The following FLG variants were observed in gnomAD, a reference collection of about 807,000 sequenced individuals.
The protein encoded by FLG is filaggrin, also known as epidermal filaggrin.
FLG carries 6 observed loss-of-function variants against 3.8 expected under a neutral mutation model. That is an observed-to-expected ratio of 1.60 (90% CI 0.87 to 3.15). FLG has a LOEUF of 3.15. Ranked by LOEUF, FLG falls within the 30% of genes most tolerant of loss-of-function variation. The probability of loss-of-function intolerance (pLI) is 0.00; values close to 1 mark genes in which losing one functional copy is unlikely to be tolerated. For synonymous variants in FLG, 2,551 were observed against 1,931.6 expected (o/e 1.32, Z -8.41); for missense variants, 7,595 against 5,050.9 (o/e 1.50, Z -15.27).
rs780631848 is a variant in FLG, at chr1:152,314,681, T to G, written c.205A>C (p.Ile69Leu). 1.2e-6 allele frequency: 2 copies of G among 1,614,050 alleles called. No individual in the cohort carries two copies. The highest frequency in any genetic ancestry group is 1.7e-6 in the Non-Finnish European group (2 of 1,179,958). ...ATCAGAAGAAACTCAGTGAAGTCAATTTTCTTGTTGTGGTCTATATCCAAG... is the reference window on the plus strand; with the variant it reads ...ATCAGAAGAAACTCAGTGAAGTCAAGTTTCTTGTTGTGGTCTATATCCAAG... ...DHLDIDHNKK[I>L]DFTEFLLMVF... Residue 69 changes from isoleucine to leucine, a missense_variant, in exon 3 of 3, where the codon ATT becomes CTT. Coordinates refer to ENST00000368799, the MANE Select transcript of FLG (RefSeq NM_002016.2).
rs545692447 is a variant in FLG at position 152,307,372 on chromosome 1, T to C, written c.7514A>G (p.His2505Arg). 1.0e-4 allele frequency: 166 copies of C among 1,612,984 alleles called. No homozygotes were observed. In the East Asian group the frequency reaches 1.1e-3, roughly 11 times the overall value. ...TGCACTTCTGGATCCTGAGTGCCCA[T>C]GGGAGGCATCAGACCTTCCCTGGGA... The part of the protein sequence containing the change: ...TTSQGRSDAS[H>R]GHSGSRSASR... The change falls in exon 3 of 3, where the codon CAT becomes CGT. Residue 2505 changes from histidine (H) to arginine (R), a missense_variant. By Grantham distance (29) the His-to-Arg change is conservative. Transcript: ENST00000368799.
In FLG at chr1:152,302,939, C is replaced by T. The variant is rs748281982; in HGVS notation, c.11947G>A (p.Asp3983Asn). 3.1e-6 allele frequency: 5 copies of T among 1,614,196 alleles called. No individual in the cohort carries two copies. The highest frequency in any genetic ancestry group is 1.6e-4 in the Middle Eastern group (1 of 6,062). Residue 3983 changes from aspartate to asparagine, a missense_variant, in exon 3 of 3, where the codon GAT becomes AAT. Transcript: ENST00000368799. Reference protein sequence around the residue: ...VWRHGSYGSADYDYGESGFRH... With the variant: ...VWRHGSYGSANYDYGESGFRH... ...AACCCGGATTCACCATAATCATAATCTGCACTACCATAGCTGCCATGTCTC... is the reference window on the plus strand; with the variant it reads ...AACCCGGATTCACCATAATCATAATTTGCACTACCATAGCTGCCATGTCTC...
rs1257525057 is a variant in FLG, at chr1:152,309,663, C to A, written c.5223G>T (p.Gly1741=). 1 of 1,613,772 alleles carries A rather than the reference C, an allele frequency of 6.2e-7. No homozygotes were observed. Among genetic ancestry groups the A allele is most frequent in the Admixed American group, 1.7e-5 (1 of 59,984 alleles). The change falls in exon 3 of 3, where the codon GGG becomes GGT. Residue 1741 remains glycine (G), a synonymous_variant. Coordinates refer to ENST00000368799, the MANE Select transcript of FLG (RefSeq NM_002016.2). ...TQSVSAHGQA[G]PHQQSHQEST... is the part of the protein sequence containing the mutation. ...ACTCTTGGTGGCTCTGCTGATGGGG[C>A]CCAGCCTGTCCGTGGGCTGACACTG...
At position 152,309,516 on chromosome 1, in the gene FLG, T is replaced by C; in HGVS notation, c.5370A>G (p.Gln1790=). ...CTCGTGCCTGCTCGTGGCGGGATCT[T>C]TGTCTTCCTCCAGTGCTGGGCCCTG... ...GRTGPSTGGR[Q]RSRHEQARDS... The change falls in exon 3 of 3, where the codon CAA becomes CAG. Residue 1790 remains glutamine, a synonymous_variant. Transcript: ENST00000368799. 1.9e-6 allele frequency: 3 copies of C among 1,613,702 alleles called. No homozygotes were observed. Among genetic ancestry groups the C allele is most frequent in the Non-Finnish European group, 2.5e-6 (3 of 1,179,920 alleles).
chr1:152,313,400 G>A lies in FLG; in HGVS notation c.1486C>T (p.His496Tyr). Residue 496 changes from histidine to tyrosine, a missense_variant, in exon 3 of 3, where the codon CAC becomes TAC. His to Tyr is a moderately conservative substitution (Grantham distance 83). Transcript: ENST00000368799. ...GAGCTGTCTCGTGCCTGCTCGTGGTGCGATCCTTGTCTTCCTCCAGTGCTG... is the reference window on the plus strand; with the variant it reads ...GAGCTGTCTCGTGCCTGCTCGTGGTACGATCCTTGTCTTCCTCCAGTGCTG... Reference protein sequence around the residue: ...GTSTGGRQGSHHEQARDSSRH... With the variant: ...GTSTGGRQGSYHEQARDSSRH... The A allele has an allele frequency of 1.2e-6, 2 of 1,613,684 alleles. No homozygotes were observed. The highest frequency in any genetic ancestry group is 1.7e-6 in the Non-Finnish European group (2 of 1,179,898).
In FLG at chr1:152,303,568, T is replaced by C. The variant is rs200512650; in HGVS notation, c.11318A>G (p.Tyr3773Cys). Residue 3773 changes from tyrosine to cysteine, a missense_variant, in exon 3 of 3, where the codon TAC becomes TGC. Coordinates refer to ENST00000368799, the MANE Select transcript of FLG (RefSeq NM_002016.2). ...GSRRGGRQGS[Y>C]HEQSVDRSGH... ...AGACCTATCTACCGATTGCTCGTGGTAGGATCCCTGTCTTCCTCCTCTCCT... is the reference window on the plus strand; with the variant it reads ...AGACCTATCTACCGATTGCTCGTGGCAGGATCCCTGTCTTCCTCCTCTCCT... The C allele has an allele frequency of 4.0e-5, 64 of 1,614,038 alleles. No individual in the cohort carries two copies. Among genetic ancestry groups the C allele is most frequent in the Middle Eastern group, 1.7e-4 (1 of 6,060 alleles).
chr1:152,310,548 G>A lies in FLG; in HGVS notation c.4338C>T (p.Ser1446=), dbSNP rs376213213. ...GRSRSFLYQV[S]SHEQSESTHG... is the part of the protein sequence containing the mutation. ...GTGTGGACTCAGACTGTTCATGAGA[G>A]CTCACCTGGTAGAGGAAAGACCTTG... The change falls in exon 3 of 3, where the codon AGC becomes AGT. Residue 1446 remains serine, a synonymous_variant. Coordinates refer to ENST00000368799, the MANE Select transcript of FLG (RefSeq NM_002016.2). 48 of 1,613,752 alleles carry A rather than the reference G, an allele frequency of 3.0e-5. No homozygotes were observed. The Middle Eastern group carries it at 6.6e-4, about 22-fold the overall frequency.
chr1:152,319,307 A>G (rs948723732), intron 1 of FLG, among the ~76,000 whole-genome samples: 4 of 125,382 alleles, frequency 3.2e-5, no homozygotes, highest in African/African-American at 1.4e-4. Flanking sequence ...ACAACTAGAA[A>G]ATGTGTGTGT....
chr1:152,315,499 G>T (rs1237731340), intron 1 of FLG, 22 bp from the exon 2 acceptor site: 2 of 1,578,032 alleles, frequency 1.3e-6, no homozygotes, highest in Non-Finnish European at 1.7e-6. Context: ...AAATGAAAAT[G>T]CACTTTTTTA....
In FLG at chr1:152,303,010, T is replaced by G; in HGVS notation, c.11876A>C (p.Gln3959Pro). Residue 3959 changes from glutamine (Q) to proline (P), a missense_variant, in exon 3 of 3, where the codon CAA becomes CCA. Gln to Pro is a moderately conservative substitution (Grantham distance 76). Coordinates refer to ENST00000368799, the MANE Select transcript of FLG (RefSeq NM_002016.2). ...SPHSSSSYHYQSEGTERQKGQ... is the reference protein window; with the variant it reads ...SPHSSSSYHYPSEGTERQKGQ... ...TTTTTGCCTTTCAGTGCCCTCAGAT[T>G]GATAATGATAAGAACTAGAACTGTG... 1 of 1,614,166 alleles carries G rather than the reference T, an allele frequency of 6.2e-7. No homozygotes were observed. Among genetic ancestry groups the G allele is most frequent in the Non-Finnish European group, 8.5e-7 (1 of 1,180,020 alleles).
At position 152,308,772 on chromosome 1, in the gene FLG, C is replaced by T. The variant is rs1157533300; in HGVS notation, c.6114G>A (p.Gly2038=). 6.2e-7 allele frequency: 1 copy of T among 1,614,112 alleles called. No homozygotes were observed. The part of the protein sequence containing the change: ...SSAVRDSGHR[G]YSGSQASDSE... ...TGTCACTGGCCTGACTACCACTGTACCCTCGGTGTCCACTGTCTCTGACTG... is the reference window on the plus strand; with the variant it reads ...TGTCACTGGCCTGACTACCACTGTATCCTCGGTGTCCACTGTCTCTGACTG... The change falls in exon 3 of 3, where the codon GGG becomes GGA. Residue 2038 remains glycine, a synonymous_variant. Coordinates refer to ENST00000368799, the MANE Select transcript of FLG (RefSeq NM_002016.2).
intron 1 of FLG, among the ~76,000 whole-genome samples, chr1:152,318,385 GA>G (rs1181653808): frequency 1.3e-5 from 2 of 151,842 alleles, no homozygotes; most frequent in African/African-American, 4.8e-5. Context: ...CTTGGTATGT[GA>G]AATAGAATTA....
rs762348188 is a variant in FLG, at chr1:152,302,287, G to A, written c.*413C>T. The A allele has an allele frequency of 1.8e-4, 37 of 205,816 alleles. No homozygotes were observed. Among genetic ancestry groups the A allele is most frequent in the Non-Finnish European group, 3.0e-4 (30 of 101,472 alleles). 12.7% of individuals were successfully genotyped at this position (205,816 alleles called of 1,614,324 possible). On this transcript the variant is annotated 3_prime_UTR_variant, in exon 3 of 3. Transcript: ENST00000368799. The stretch of plus-strand genomic sequence containing the variant: ...ATAGAAGGATAATAGAGAAAGATGT[G>A]CTAGCCCTGATGTTGATATAGCCAC...
Position 152,309,768 on chromosome 1 carries a change from G to A in FLG, c.5118C>T (p.Val1706=), listed in dbSNP as rs776331158. ...GTGRRQDSSV[V]GDSGNRGSSG... ...TGGACCCTCGGTTTCCACTGTCTCC[G>A]ACTACAGATGAATCTTGTCTGCGCC... The change falls in exon 3 of 3, where the codon GTC becomes GTT. Residue 1706 remains valine (V), a synonymous_variant. Transcript: ENST00000368799. 3.1e-6 allele frequency: 5 copies of A among 1,613,780 alleles called. No individual in the cohort carries two copies. Among genetic ancestry groups the A allele is most frequent in the Non-Finnish European group, 4.2e-6 (5 of 1,179,996 alleles).
In FLG at chr1:152,308,352, A is replaced by C. The variant is rs747251209; in HGVS notation, c.6534T>G (p.Asp2178Glu). 1.4e-5 allele frequency: 22 copies of C among 1,613,512 alleles called. No individual in the cohort carries two copies. In the African/African-American group the frequency reaches 1.9e-4, roughly 14 times the overall value. ...TGGATCCTGACTGCCCACGGGAGGCATCAGACCTTCCCTGGGATGTGGTGT... is the reference window on the plus strand; with the variant it reads ...TGGATCCTGACTGCCCACGGGAGGCCTCAGACCTTCCCTGGGATGTGGTGT... Reference protein sequence around the residue: ...HSHTTSQGRSDASRGQSGSRS... With the variant: ...HSHTTSQGRSEASRGQSGSRS... The change falls in exon 3 of 3, where the codon GAT becomes GAG. Residue 2178 changes from aspartate to glutamate, a missense_variant. Transcript: ENST00000368799.
rs768867897 is a variant in FLG, at chr1:152,311,074, C to A, written c.3812G>T (p.Ser1271Ile). 7 of 1,613,866 alleles carry A rather than the reference C, an allele frequency of 4.3e-6. No homozygotes were observed. In the African/African-American group the frequency reaches 6.7e-5, roughly 15 times the overall value. ...RTSRHQGSSV[S>I]QDSDSERHSD... ...GTGTCTCTCACTGTCACTGTCCTGG[C>A]TAACACTGGATCCCTGGTGCCTGCT... Residue 1271 changes from serine (S) to isoleucine (I), a missense_variant, in exon 3 of 3, where the codon AGC becomes ATC. Transcript: ENST00000368799.
In FLG at chr1:152,315,450, T is replaced by C. The variant is rs79290069; in HGVS notation, c.7A>G (p.Thr3Ala). The C allele has an allele frequency of 1.9e-6, 3 of 1,611,188 alleles. No homozygotes were observed. Among genetic ancestry groups the C allele is most frequent in the Middle Eastern group, 1.7e-4 (1 of 6,018 alleles). The change falls in exon 2 of 3, where the codon ACT becomes GCT. Residue 3 changes from threonine to alanine, a missense_variant. Transcript: ENST00000368799. MS[T>A]LLENIFAIIN... The stretch of plus-strand genomic sequence containing the variant: ...ATGGCAAAGATGTTTTCCAGGAGAG[T>C]AGACATCTTTTGGCAATAAATGTGA...
At position 152,311,769 on chromosome 1, in the gene FLG, C is replaced by T. The variant is rs1238258468; in HGVS notation, c.3117G>A (p.Gln1039=). 1.2e-6 allele frequency: 2 copies of T among 1,613,960 alleles called. No homozygotes were observed. The highest frequency in any genetic ancestry group is 1.7e-6 in the Non-Finnish European group (2 of 1,180,026). ...CTGAGTGTCTGGAGCTGTCTGCTGA[C>T]TGCTGGTGGCGGGATCCGTGTCTTT... ...PGERHGSRHQ[Q]SADSSRHSGI... Residue 1039 remains glutamine, a synonymous_variant, in exon 3 of 3, where the codon CAG becomes CAA. Coordinates refer to ENST00000368799, the MANE Select transcript of FLG (RefSeq NM_002016.2).
Position 152,311,632 on chromosome 1 carries a change from G to C in FLG, c.3254C>G (p.Ser1085Ter). 17 of 1,614,134 alleles carry C rather than the reference G, an allele frequency of 1.1e-5. No individual in the cohort carries two copies. Among genetic ancestry groups the C allele is most frequent in the Non-Finnish European group, 1.4e-5 (16 of 1,180,024 alleles). The change falls in exon 3 of 3, where the codon TCA (serine) becomes TGA (stop). Residue 1085 changes from serine (S) to a stop codon, truncating the protein, a stop_gained. Transcript: ENST00000368799. LOFTEE classifies it low-confidence loss of function (END_TRUNC). ...CCCATCCTGTCCATGGCCTGACACT[G>C]ACTGTGTGTCTGACTCCTCTGAATG... ...EGHSEESDTQSVSGHGQDGPH... is the reference protein window; with the variant it reads ...EGHSEESDTQ
Sources: allele counts gnomAD v4.1 joint callset (sites outside exome capture counted in the v4.1 genomes callset), GRCh38; gene constraint gnomAD v4.1.1; transcripts MANE v1.5; gene names NCBI Gene and HGNC (gene_info 2026-07-23, HGNC 2026-07-21).